The following ZBTB20 variants were observed in gnomAD, a reference collection of about 807,000 sequenced individuals.
ZBTB20 encodes zinc finger and BTB domain-containing protein 20.
ZBTB20 carries 9 observed loss-of-function variants against 56.9 expected under a neutral mutation model. The observed-to-expected ratio is 0.16, with a 90% CI of 0.10 to 0.28. The LOEUF is 0.28. Among genes scored for constraint, ZBTB20 ranks in the 10% least tolerant of loss-of-function variants. The pLI, the probability that ZBTB20 is intolerant of heterozygous loss-of-function variation, is 1.00. For missense variants in ZBTB20, 655 were observed against 1,003.0 expected, an observed-to-expected ratio of 0.65 and a Z score of 4.69; for synonymous variants, 417 against 420.7, an observed-to-expected ratio of 0.99 and a Z score of 0.11.
chr3:115,115,069 A>G (rs2083982209), intron 1 of ZBTB20, among the ~76,000 whole-genome samples: 1 of 152,088 alleles, frequency 6.6e-6, no homozygotes, highest in South Asian at 2.1e-4. Context: ...AAATTTTAAG[A>G]TTCTTTCACA....
At chr3:114,904,497 A>T (rs1560382519) in intron 3 of ZBTB20, 3 of 152,046 alleles carry the variant, frequency 2.0e-5, no homozygotes, top group Admixed American at 6.6e-5. Flanking sequence ...TATTTTATTT[A>T]ATATGTATTT....
At chr3:114,718,888 T>C (rs2064704789) in intron 5 of ZBTB20, among the ~76,000 whole-genome samples, 1 of 151,962 alleles carries the variant, frequency 6.6e-6, no homozygotes, top group Non-Finnish European at 1.5e-5. Context: ...TTCCCAGAGT[T>C]AATACTTTAA....
intron 10 of ZBTB20, among the ~76,000 whole-genome samples, chr3:114,353,806 A>G (rs911289796): frequency 2.0e-5 from 3 of 152,238 alleles, no homozygotes; most frequent in African/African-American, 7.2e-5. Flanking sequence ...TACAGCAACC[A>G]TGGGAAGTAG....
intron 6 of ZBTB20, among the ~76,000 whole-genome samples, chr3:114,514,535 T>C (rs1365481075): frequency 2.6e-5 from 4 of 152,200 alleles, no homozygotes; most frequent in Non-Finnish European, 5.9e-5. Context: ...TACAGTGTTA[T>C]CTGCAAAGTA....
chr3:114,767,343 G>C (rs1010893115), intron 5 of ZBTB20, among the ~76,000 whole-genome samples: 1 of 151,964 alleles, frequency 6.6e-6, no homozygotes, highest in African/African-American at 2.4e-5. Flanking sequence ...AACAGAGTAG[G>C]ATATTCTCAA....
intron 4 of ZBTB20, among the ~76,000 whole-genome samples, chr3:114,820,365 T>A (rs1387379502): frequency 6.6e-6 from 1 of 152,024 alleles, no homozygotes; most frequent in African/African-American, 2.4e-5. Flanking sequence ...CAATCCAAAA[T>A]GTTGTTTAGA....
At chr3:114,534,779 TAACA>T (rs1277663407) in intron 6 of ZBTB20, among the ~76,000 whole-genome samples, 1 of 152,128 alleles carries the variant, frequency 6.6e-6, no homozygotes, top group Admixed American at 6.5e-5. Context: ...ATGGAAATCA[TAACA>T]AACAGTCTCT....
chr3:114,607,303 ATT>A (rs34327675), intron 6 of ZBTB20, among the ~76,000 whole-genome samples: 3,505 of 135,564 alleles, frequency 0.026, 102 homozygotes, highest in African/African-American at 0.078. Flanking sequence ...CTGTTCATTC[ATT>A]TTTTTTTTTT....
chr3:115,038,812 C>G (rs1168120176), intron 2 of ZBTB20, among the ~76,000 whole-genome samples: 1 of 152,078 alleles, frequency 6.6e-6, no homozygotes. Flanking sequence ...ATTTGCTTCA[C>G]ACATCTGCAA....
intron 3 of ZBTB20, among the ~76,000 whole-genome samples, chr3:114,911,704 A>G (rs2075546193): frequency 6.6e-6 from 1 of 152,008 alleles, no homozygotes; most frequent in South Asian, 2.1e-4. Context: ...AGGTAATTTG[A>G]AATTACCCAC....
At chr3:114,796,760 A>G (rs2071365149) in intron 5 of ZBTB20, among the ~76,000 whole-genome samples, 1 of 151,970 alleles carries the variant, frequency 6.6e-6, no homozygotes, top group Non-Finnish European at 1.5e-5. Flanking sequence ...GTTTTTAAGT[A>G]GAAGAATAAA....
At chr3:114,644,083 G>A (rs2059706849) in intron 6 of ZBTB20, among the ~76,000 whole-genome samples, 1 of 151,554 alleles carries the variant, frequency 6.6e-6, no homozygotes, top group Admixed American at 6.6e-5. Context: ...ATACCTTTGG[G>A]AAAAAAGCCA....
At chr3:114,647,102 G>T (rs1453205713) in intron 6 of ZBTB20, among the ~76,000 whole-genome samples, 2 of 152,012 alleles carry the variant, frequency 1.3e-5, no homozygotes, top group Non-Finnish European at 2.9e-5. Context: ...GGGACCACAG[G>T]CACCTGCCAC....
chr3:114,991,443 G>C (rs1334684429), intron 2 of ZBTB20, among the ~76,000 whole-genome samples: 1 of 152,084 alleles, frequency 6.6e-6, no homozygotes, highest in Non-Finnish European at 1.5e-5. Context: ...CCGAGTTCTA[G>C]TTTGATTGCA....
At chr3:114,612,798 C>A (rs953124602) in intron 6 of ZBTB20, among the ~76,000 whole-genome samples, 1 of 151,858 alleles carries the variant, frequency 6.6e-6, no homozygotes, top group Non-Finnish European at 1.5e-5. Flanking sequence ...ATTCATCAAG[C>A]AGCTAAGATA....
chr3:114,996,664 A>G (rs2079040601), intron 2 of ZBTB20, among the ~76,000 whole-genome samples: 1 of 151,948 alleles, frequency 6.6e-6, no homozygotes, highest in Non-Finnish European at 1.5e-5. Context: ...GCCACAATAA[A>G]CATACGTGTA....
At chr3:114,951,244 T>C (rs1020227801) in intron 3 of ZBTB20, among the ~76,000 whole-genome samples, 1 of 151,088 alleles carries the variant, frequency 6.6e-6, no homozygotes. Flanking sequence ...ATTGCTTTTG[T>C]TTTTTTTTCT....
At chr3:114,962,211 G>A (rs970730488) in intron 3 of ZBTB20, among the ~76,000 whole-genome samples, 1 of 152,054 alleles carries the variant, frequency 6.6e-6, no homozygotes, top group Admixed American at 6.6e-5. Flanking sequence ...ATGAAAGATA[G>A]AATTTAGCAT....
intron 6 of ZBTB20, among the ~76,000 whole-genome samples, chr3:114,629,836 A>G (rs2058842822): frequency 6.6e-6 from 1 of 152,230 alleles, no homozygotes; most frequent in Non-Finnish European, 1.5e-5. Flanking sequence ...GTAGCTAGTA[A>G]GAAGTAAAGA....
Sources: allele counts gnomAD v4.1 joint callset (sites outside exome capture counted in the v4.1 genomes callset), GRCh38; gene constraint gnomAD v4.1.1; transcripts MANE v1.5; gene names NCBI Gene and HGNC (gene_info 2026-07-23, HGNC 2026-07-21).